Variants in CDKN2B-AS1 observed in about 807,000 individuals in gnomAD.
The protein encoded by CDKN2B-AS1 is CDKN2B antisense RNA 1 (non-protein coding).
At chr9:22,027,104 G>A (rs1442771317) in intron 1 of CDKN2B-AS1, among the ~76,000 whole-genome samples, 10 of 149,768 alleles carry the variant, frequency 6.7e-5, no homozygotes, top group South Asian at 2.1e-4. Context: ...CTTTCTTTCC[G>A]CCCTGTGAGA....
chr9:22,024,867 G>A (rs565235818), intron 1 of CDKN2B-AS1, among the ~76,000 whole-genome samples: 9 of 152,300 alleles, frequency 5.9e-5, no homozygotes, highest in African/African-American at 2.2e-4. Flanking sequence ...TGGCCCACTG[G>A]TGCAGAAGCT....
At position 22,048,479 on chromosome 9, in the gene CDKN2B-AS1, G is replaced by A. The variant is rs533275273; in HGVS notation, n.180-627G>A. Among the ~76,000 whole-genome samples the A allele has an allele frequency of 5.2e-4, 79 of 152,260 alleles. 1 individual carries two copies. The highest frequency in any genetic ancestry group is 3.4e-3 in the Middle Eastern group (1 of 294). ...CATGGGGTTAGTCTGGCAGATAAGA[G>A]GTCTCCACTGGATTTTTTCATTTTG... On this transcript the variant is annotated intron_variant and non_coding_transcript_variant, in intron 2 of 4. Transcript: ENST00000650946.
At chr9:22,014,840 A>C (rs1011521032) in intron 1 of CDKN2B-AS1, among the ~76,000 whole-genome samples, 4 of 138,290 alleles carry the variant, frequency 2.9e-5, no homozygotes, top group Admixed American at 2.5e-4. Flanking sequence ...ATTCCCATCT[A>C]TGAGTGAGAA....
Position 22,005,867 on chromosome 9 carries a change from G to A in CDKN2B-AS1, n.29+10706G>A. The A allele has an allele frequency of 7.4e-7, 1 of 1,351,294 alleles. No homozygotes were observed. The highest frequency in any genetic ancestry group is 1.0e-6 in the Non-Finnish European group (1 of 981,192). 83.7% of individuals were successfully genotyped at this position (1,351,294 alleles called of 1,614,324 possible). On this transcript the variant is annotated intron_variant and non_coding_transcript_variant, in intron 1 of 4. Coordinates refer to ENST00000650946, the Ensembl canonical transcript of CDKN2B-AS1. The surrounding 1 kb of genome is among the most constrained non-coding windows in gnomAD (Gnocchi z 4.9). The stretch of plus-strand genomic sequence containing the variant: ...CCTCCTTCCTGTGAGTCTCAGACAG[G>A]CTTGCAGGCTTACAGGCTTTCCGCC...
At chr9:22,061,856 A>G (rs1823835141) in intron 4 of CDKN2B-AS1, 1 of 152,060 alleles carries the variant, frequency 6.6e-6, no homozygotes, top group Non-Finnish European at 1.5e-5. Context: ...CTATATATCT[A>G]TATATACACT....
chr9:22,127,660 G>A (rs983729858), exon 5 of CDKN2B-AS1, among the ~76,000 whole-genome samples: 1 of 152,124 alleles, frequency 6.6e-6, no homozygotes, highest in Non-Finnish European at 1.5e-5. Context: ...AGGAAGGCAG[G>A]GATGAGAGTG....
chr9:22,084,573 G>C (rs907694519), intron 4 of CDKN2B-AS1, among the ~76,000 whole-genome samples: 2 of 152,102 alleles, frequency 1.3e-5, no homozygotes, highest in African/African-American at 2.4e-5. Flanking sequence ...GTGGGCAGGG[G>C]TGTGATATGG....
rs1820611194 is a variant in CDKN2B-AS1 at position 21,995,428 on chromosome 9, T to C, written n.29+267T>C. ...GTAGAATGGTTGTCTTGGCGACCGT[T>C]GGCCGCTGCCGCCTCCACGCTCTGC... On this transcript the variant is annotated intron_variant and non_coding_transcript_variant, in intron 1 of 4. Coordinates refer to ENST00000650946, the Ensembl canonical transcript of CDKN2B-AS1. The surrounding 1 kb of genome is among the most constrained non-coding windows in gnomAD (Gnocchi z 5.7). 1 of 152,538 alleles carries C rather than the reference T, an allele frequency of 6.6e-6. No homozygotes were observed. The allele number at this position is 152,538 out of a possible 1,614,324, so 9.4% of individuals were successfully genotyped here.
intron 1 of CDKN2B-AS1, chr9:22,009,336 C>T (rs1466837558): frequency 2.7e-5 from 11 of 400,232 alleles, no homozygotes; most frequent in South Asian, 2.3e-4. Context: ...ATTCCGTTTT[C>T]AGCTGGGCCA....
Position 22,005,614 on chromosome 9 carries a change from C to A in CDKN2B-AS1, n.29+10453C>A. On this transcript the variant is annotated intron_variant and non_coding_transcript_variant, in intron 1 of 4. Transcript: ENST00000650946. The surrounding 1 kb of genome is among the most constrained non-coding windows in gnomAD (Gnocchi z 4.9). ...CTAATCACTGCCTTCTCCCACTCAG[C>A]GCTGGAGTGGGAGATTCATCCATCG... 1 of 446,018 alleles carries A rather than the reference C, an allele frequency of 2.2e-6. No individual in the cohort carries two copies. Among genetic ancestry groups the A allele is most frequent in the Non-Finnish European group, 4.2e-6 (1 of 239,692 alleles). 27.6% of individuals were successfully genotyped at this position (446,018 alleles called of 1,614,324 possible). A position where few individuals can be genotyped will look rare whatever the true frequency, so the allele number is the denominator to read the frequency against.
Position 22,021,489 on chromosome 9 carries a change from G to A in CDKN2B-AS1, n.30-25262G>A, listed in dbSNP as rs535225314. ...ATTCAATGGTAGTTTCATAGGTATA[G>A]CACTGAATCTATAAATTGCTTTGGC... On this transcript the variant is annotated intron_variant and non_coding_transcript_variant, in intron 1 of 4. Transcript: ENST00000650946. Among the ~76,000 whole-genome samples the A allele has an allele frequency of 7.9e-5, 12 of 152,256 alleles. No homozygotes were observed. In the South Asian group the frequency reaches 2.1e-3, roughly 26 times the overall value.
chr9:22,004,731 A>C (rs953999699), intron 1 of CDKN2B-AS1: 2 of 232,906 alleles, frequency 8.6e-6, no homozygotes, highest in Non-Finnish European at 1.7e-5. Context: ...TTTTATACTC[A>C]ATCTACTTTT....
intron 1 of CDKN2B-AS1, among the ~76,000 whole-genome samples, chr9:22,026,465 A>C (rs1044013907): frequency 6.6e-6 from 1 of 152,132 alleles, no homozygotes; most frequent in African/African-American, 2.4e-5. Context: ...AAAGGCCATA[A>C]TGGCTAAGTT....
intron 1 of CDKN2B-AS1, chr9:22,029,861 T>C: frequency 1.1e-5 from 2 of 184,024 alleles, no homozygotes; most frequent in South Asian, 1.7e-4. Flanking sequence ...TATTACAAAA[T>C]GGATAGTGGA....
intron 4 of CDKN2B-AS1, among the ~76,000 whole-genome samples, chr9:22,073,877 T>A (rs1272568571): frequency 2.6e-5 from 4 of 151,984 alleles, no homozygotes; most frequent in African/African-American, 4.8e-5. Context: ...ATTTTTTTTT[T>A]TTTTGAGACA....
chr9:22,063,668 G>C (rs1823914451), intron 4 of CDKN2B-AS1, among the ~76,000 whole-genome samples: 2 of 152,200 alleles, frequency 1.3e-5, no homozygotes, highest in Non-Finnish European at 2.9e-5. Flanking sequence ...TTGCTGATGA[G>C]TGACCAGTTT....
At chr9:22,003,476 C>T (rs1587375146) in intron 1 of CDKN2B-AS1, 1 of 227,868 alleles carries the variant, frequency 4.4e-6, no homozygotes, top group East Asian at 6.4e-5. Context: ...ATGCAACTAG[C>T]AAATTTAAAC....
In CDKN2B-AS1 at chr9:22,053,730, A is replaced by G. The variant is rs181667756; in HGVS notation, n.303-2522A>G. On this transcript the variant is annotated intron_variant and non_coding_transcript_variant, in intron 3 of 4. Coordinates refer to ENST00000650946, the Ensembl canonical transcript of CDKN2B-AS1. ...TTAACATAACTTCTAATGGAAATAC[A>G]GTATACTACTATGGTGCATACAAAG... 2.6e-5 allele frequency among the ~76,000 whole-genome samples: 4 copies of G among 152,352 alleles called. No homozygotes were observed. The East Asian group carries it at 5.8e-4, about 22-fold the overall frequency.
At chr9:22,029,525 C>T (rs1194454378) in intron 1 of CDKN2B-AS1, 4 of 779,496 alleles carry the variant, frequency 5.1e-6, no homozygotes, top group South Asian at 1.3e-5. Context: ...TGATCTCCGT[C>T]CTGGCCCCCA....
Sources: gnomAD v4.1 joint callset for allele counts (sites outside exome capture counted in the v4.1 genomes callset) on GRCh38, gnomAD v4.1.1 for gene constraint, Gnocchi (gnomAD v3.1) non-coding constraint, MANE v1.5 for transcripts, NCBI Gene and HGNC (gene_info 2026-07-23, HGNC 2026-07-21) for gene names.